The following GPATCH2L variants were observed in gnomAD, a reference collection of about 807,000 sequenced individuals.
GPATCH2L encodes the protein G-patch domain containing 2 like, also known as G patch domain-containing protein 2-like.
GPATCH2L carries 31 observed loss-of-function variants against 57.4 expected under a neutral mutation model. The observed-to-expected ratio is 0.54, with a 90% CI of 0.41 to 0.73. GPATCH2L has a LOEUF of 0.73. Ranked by LOEUF, GPATCH2L falls within the 30% of genes least tolerant of loss-of-function variation. The probability of loss-of-function intolerance (pLI) is 0.00; values close to 1 mark genes in which losing one functional copy is unlikely to be tolerated. For missense variants in GPATCH2L, 481 were observed against 599.9 expected (o/e 0.80, Z 2.07); for synonymous variants, 199 against 210.7 (o/e 0.94, Z 0.48).
At chr14:76,233,035 C>T (rs2040581599) in intron 2 of GPATCH2L, among the ~76,000 whole-genome samples, 1 of 152,226 alleles carries the variant, frequency 6.6e-6, no homozygotes, top group Non-Finnish European at 1.5e-5. Context: ...TCCAAAAGCT[C>T]ACCTTCCTGC....
downstream of GPATCH2L, among the ~76,000 whole-genome samples, chr14:76,218,264 GA>G (rs1372567631): frequency 1.3e-5 from 2 of 151,974 alleles, no homozygotes; most frequent in East Asian, 3.8e-4. Flanking sequence ...GAAGAGAAGA[GA>G]AAATTATAAT....
At chr14:76,177,710 T>G (rs540579521) in intron 6 of GPATCH2L, among the ~76,000 whole-genome samples, 15 of 149,644 alleles carry the variant, frequency 1.0e-4, no homozygotes, top group South Asian at 2.1e-4. Context: ...TTTTTTTGTT[T>G]TTGTTTTTGC....
At chr14:76,182,999 G>A (rs2039633314) in intron 8 of GPATCH2L, among the ~76,000 whole-genome samples, 2 of 152,184 alleles carry the variant, frequency 1.3e-5, no homozygotes, top group South Asian at 4.1e-4. Flanking sequence ...GATTTGAGTA[G>A]CATGATATCA....
intron 8 of GPATCH2L, among the ~76,000 whole-genome samples, chr14:76,186,010 T>C (rs1433147539): frequency 3.9e-5 from 6 of 152,150 alleles, no homozygotes; most frequent in Non-Finnish European, 8.8e-5. Flanking sequence ...TATCAATACT[T>C]TTTAAATTGG....
At position 76,211,126 on chromosome 14, in the gene GPATCH2L, G is replaced by A. The variant is rs187527810; in HGVS notation, c.*9275G>A. The A allele has an allele frequency of 1.2e-4, 18 of 152,316 alleles. No individual in the cohort carries two copies. The highest frequency in any genetic ancestry group is 4.1e-4 in the African/African-American group (17 of 41,552). 9.4% of individuals were successfully genotyped at this position (152,316 alleles called of 1,614,324 possible). ...GAAGAGTGGATGAAGCCCTCCAAGG[G>A]TAAAAGCATGGTTTATTCAGAGCAC... On this transcript the variant is annotated 3_prime_UTR_variant, in exon 10 of 10. Coordinates refer to ENST00000261530, the MANE Select transcript of GPATCH2L (RefSeq NM_017926.4).
chr14:76,198,917 T>C (rs1020720320), intron 9 of GPATCH2L, among the ~76,000 whole-genome samples: 2 of 152,228 alleles, frequency 1.3e-5, no homozygotes, highest in Non-Finnish European at 2.9e-5. Flanking sequence ...ACAGAGTGAT[T>C]CCTAATATAT....
intron 2 of GPATCH2L, among the ~76,000 whole-genome samples, chr14:76,161,477 A>G (rs1479450517): frequency 6.6e-6 from 1 of 152,174 alleles, no homozygotes; most frequent in Non-Finnish European, 1.5e-5. Flanking sequence ...CCTTATTATA[A>G]TTGGAACAGG....
chr14:76,155,076 A>G (rs1195433635), intron 2 of GPATCH2L, 51 bp downstream of exon 2: 2 of 1,476,168 alleles, frequency 1.4e-6, no homozygotes, highest in South Asian at 2.5e-5. Context: ...TTTTTCCCAA[A>G]GTGCACATCC....
At chr14:76,169,560 T>C (rs1479867825) in intron 3 of GPATCH2L, among the ~76,000 whole-genome samples, 2 of 152,232 alleles carry the variant, frequency 1.3e-5, no homozygotes, top group Non-Finnish European at 1.5e-5. Flanking sequence ...GGAGCTCCTC[T>C]ATCAGGCATC....
At chr14:76,180,301 G>C (rs1051262894) in intron 7 of GPATCH2L, among the ~76,000 whole-genome samples, 1 of 152,178 alleles carries the variant, frequency 6.6e-6, no homozygotes, top group Admixed American at 6.5e-5. Context: ...AAGGTGTTCT[G>C]ATTCTTAGTC....
At chr14:76,185,014 A>G (rs758011458) in intron 8 of GPATCH2L, among the ~76,000 whole-genome samples, 8 of 152,232 alleles carry the variant, frequency 5.3e-5, no homozygotes, top group Non-Finnish European at 8.8e-5. Flanking sequence ...GGTATGCACC[A>G]TTCCTTACGG....
At chr14:76,228,867 T>C (rs149654376) in intron 1 of GPATCH2L, among the ~76,000 whole-genome samples, 70 of 152,306 alleles carry the variant, frequency 4.6e-4, no homozygotes, top group African/African-American at 1.6e-3. Context: ...TTGGGGGGCC[T>C]GGATATCACA....
chr14:76,233,977 G>A (rs953227360), intron 2 of GPATCH2L, among the ~76,000 whole-genome samples: 8 of 152,040 alleles, frequency 5.3e-5, no homozygotes, highest in Non-Finnish European at 1.0e-4. Flanking sequence ...CATGTGCAGT[G>A]GACACACCTG....
chr14:76,221,339 C>CA (rs2139863518), intron 1 of GPATCH2L, among the ~76,000 whole-genome samples: 1 of 152,264 alleles, frequency 6.6e-6, no homozygotes, highest in Admixed American at 6.5e-5. Flanking sequence ...AAAACACTGA[C>CA]AACACCAAAT....
intron 9 of GPATCH2L, among the ~76,000 whole-genome samples, chr14:76,197,376 A>G (rs545604011): frequency 2.0e-5 from 3 of 152,226 alleles, no homozygotes; most frequent in African/African-American, 7.2e-5. Context: ...TAAGAGAGGA[A>G]CCACTGGAAA....
At chr14:76,165,337 C>T (rs1174540919) in intron 2 of GPATCH2L, among the ~76,000 whole-genome samples, 1 of 151,676 alleles carries the variant, frequency 6.6e-6, no homozygotes, top group African/African-American at 2.4e-5. Flanking sequence ...ACTAAAAATA[C>T]AAAAATTAGC....
At chr14:76,165,353 G>A (rs1394727161) in intron 2 of GPATCH2L, among the ~76,000 whole-genome samples, 1 of 151,930 alleles carries the variant, frequency 6.6e-6, no homozygotes, top group Non-Finnish European at 1.5e-5. Flanking sequence ...TTAGCTGGGT[G>A]TGGTGGTGCG....
intron 2 of GPATCH2L, among the ~76,000 whole-genome samples, chr14:76,233,368 A>T (rs1410791531): frequency 1.3e-5 from 2 of 152,228 alleles, no homozygotes; most frequent in Non-Finnish European, 1.5e-5. Flanking sequence ...AATTTGATAG[A>T]TACAAAGTGG....
chr14:76,157,548 A>G (rs1210199159), intron 2 of GPATCH2L, among the ~76,000 whole-genome samples: 1 of 152,244 alleles, frequency 6.6e-6, no homozygotes, highest in African/African-American at 2.4e-5. Context: ...ATTCACATAC[A>G]GATCAAAATG....
Sources: gnomAD v4.1 joint callset for allele counts (sites outside exome capture counted in the v4.1 genomes callset) on GRCh38, gnomAD v4.1.1 for gene constraint, MANE v1.5 for transcripts, NCBI Gene and HGNC (gene_info 2026-07-23, HGNC 2026-07-21) for gene names.